Variants in PLCL2 observed in about 807,000 individuals in gnomAD.
PLCL2 encodes phospholipase C like 2.
In PLCL2, 4 loss-of-function variants were observed where a neutral mutation model predicts 79.6. That is an observed-to-expected ratio of 0.05 (90% CI 0.02 to 0.11). The LOEUF (loss-of-function observed/expected upper bound fraction) is 0.11, where lower values mean the gene tolerates loss of function less well. PLCL2 is among the 10% of genes least tolerant of loss of function. The probability of loss-of-function intolerance (pLI) is 1.00; values close to 1 mark genes in which losing one functional copy is unlikely to be tolerated. For missense variants in PLCL2, 895 were observed against 1,291.0 expected, an observed-to-expected ratio of 0.69 and a Z score of 4.70; for synonymous variants, 484 against 457.7, an observed-to-expected ratio of 1.06 and a Z score of -0.73.
At chr3:17,044,228 C>T (rs915153681) in intron 4 of PLCL2, 2 of 152,500 alleles carry the variant, frequency 1.3e-5, no homozygotes, top group East Asian at 3.8e-4. Context: ...GAAGGTGCTT[C>T]TGGAGAGTGA....
At chr3:16,943,833 C>A (rs991931813) in intron 1 of PLCL2, among the ~76,000 whole-genome samples, 3 of 152,068 alleles carry the variant, frequency 2.0e-5, no homozygotes, top group Non-Finnish European at 4.4e-5. Context: ...AAATAATTTT[C>A]TAATTAAGGT....
chr3:17,088,384 A>G (rs902361917), intron 5 of PLCL2, among the ~76,000 whole-genome samples: 1 of 152,180 alleles, frequency 6.6e-6, no homozygotes, highest in Non-Finnish European at 1.5e-5. Context: ...CAAACTACAG[A>G]GGAATCATAA....
At chr3:16,934,156 G>A (rs1575537495) in intron 1 of PLCL2, among the ~76,000 whole-genome samples, 1 of 152,138 alleles carries the variant, frequency 6.6e-6, no homozygotes, top group Admixed American at 6.5e-5. Context: ...CTCTGAAAAG[G>A]TCATGCAATG....
chr3:16,986,826 A>G (rs904017881), intron 1 of PLCL2, among the ~76,000 whole-genome samples: 4 of 152,116 alleles, frequency 2.6e-5, no homozygotes, highest in Non-Finnish European at 5.9e-5. Context: ...GAAACGTAGG[A>G]TGGGGATCAA....
chr3:16,997,822 G>T (rs1559512749), intron 1 of PLCL2, among the ~76,000 whole-genome samples: 1 of 152,090 alleles, frequency 6.6e-6, no homozygotes, highest in Non-Finnish European at 1.5e-5. Context: ...ACAGGCATGA[G>T]CCACTGTGTC....
At chr3:16,946,950 A>ATTTTTTTTT (rs1368093455) in intron 1 of PLCL2, among the ~76,000 whole-genome samples, 18 of 76,956 alleles carry the variant, frequency 2.3e-4, no homozygotes, top group African/African-American at 5.7e-4. Flanking sequence ...TTAAAGTTTC[A>ATTTTTTTTT]TTCTTTTTTT....
chr3:16,988,875 C>T (rs1297378012), intron 1 of PLCL2, among the ~76,000 whole-genome samples: 1 of 152,064 alleles, frequency 6.6e-6, no homozygotes, highest in Admixed American at 6.5e-5. Flanking sequence ...AATTCCATTT[C>T]AAGTTATATT....
chr3:16,952,819 C>G (rs1046697001), intron 1 of PLCL2, among the ~76,000 whole-genome samples: 1 of 151,832 alleles, frequency 6.6e-6, no homozygotes, highest in Non-Finnish European at 1.5e-5. Flanking sequence ...GCATCTTTTG[C>G]GAAATAATTT....
chr3:16,973,019 G>A (rs532411690), intron 1 of PLCL2, among the ~76,000 whole-genome samples: 3 of 152,178 alleles, frequency 2.0e-5, no homozygotes, highest in Admixed American at 1.3e-4. Flanking sequence ...ATTTGATCCT[G>A]TCATCATGTT....
At chr3:17,013,166 C>T (rs141696074) in intron 2 of PLCL2, among the ~76,000 whole-genome samples, 6 of 151,972 alleles carry the variant, frequency 3.9e-5, no homozygotes, top group Admixed American at 1.3e-4. Flanking sequence ...ACCCTCAGCT[C>T]TGAGCAAGCG....
chr3:16,903,029 C>T (rs1329741259), intron 1 of PLCL2, among the ~76,000 whole-genome samples: 1 of 152,048 alleles, frequency 6.6e-6, no homozygotes, highest in Non-Finnish European at 1.5e-5. Context: ...TAATTGGGAT[C>T]TGGCTCAGAA....
intron 1 of PLCL2, among the ~76,000 whole-genome samples, chr3:16,896,261 G>A (rs1166377854): frequency 2.6e-5 from 4 of 152,126 alleles, no homozygotes; most frequent in Admixed American, 6.5e-5. Context: ...CTTGTACGTG[G>A]TGAGACCTGC....
chr3:17,014,585 A>G, intron 2 of PLCL2, 123 bp from the exon 3 acceptor site: 1 of 767,104 alleles, frequency 1.3e-6, no homozygotes, highest in Non-Finnish European at 2.2e-6. Flanking sequence ...CAATTCTGTT[A>G]TAACACTGTT....
intron 1 of PLCL2, among the ~76,000 whole-genome samples, chr3:16,888,420 C>G (rs1455939641): frequency 6.6e-6 from 1 of 152,144 alleles, no homozygotes; most frequent in Non-Finnish European, 1.5e-5. Context: ...TTACAAATAC[C>G]TTGAGATGAT....
chr3:16,909,328 A>C (rs868224863), intron 1 of PLCL2, among the ~76,000 whole-genome samples: 2 of 152,228 alleles, frequency 1.3e-5, no homozygotes, highest in Non-Finnish European at 2.9e-5. Context: ...TTTGTTGAGC[A>C]GATTGCATAT....
chr3:17,065,121 A>G (rs1196074752), intron 4 of PLCL2, among the ~76,000 whole-genome samples: 2 of 152,166 alleles, frequency 1.3e-5, no homozygotes, highest in African/African-American at 4.8e-5. Flanking sequence ...AGCTTCACTA[A>G]TAAAACATTT....
In PLCL2 at chr3:17,089,747, T is replaced by C; in HGVS notation, c.3219T>C (p.Leu1073=). Residue 1073 remains leucine, a synonymous_variant, in exon 6 of 6, where the codon CTT becomes CTC. Transcript: ENST00000615277. ...NITILKGQAD[L]LKYAKNETLE... ...TTTTGTTATAGGGACAAGCAGATCT[T>C]TTGAAATATGCTAAGAATGAGACAT... is the stretch of plus-strand genomic sequence containing the variant. 6.2e-7 allele frequency: 1 copy of C among 1,605,484 alleles called. No homozygotes were observed. Among genetic ancestry groups the C allele is most frequent in the Non-Finnish European group, 8.5e-7 (1 of 1,173,090 alleles).
chr3:16,939,164 T>A (rs1305896705), intron 1 of PLCL2, among the ~76,000 whole-genome samples: 1 of 152,206 alleles, frequency 6.6e-6, no homozygotes, highest in East Asian at 1.9e-4. Flanking sequence ...AATCACACAC[T>A]CTTTCTTGTC....
chr3:16,968,539 A>C (rs547524471), intron 1 of PLCL2, among the ~76,000 whole-genome samples: 1 of 152,148 alleles, frequency 6.6e-6, no homozygotes, highest in East Asian at 1.9e-4. Context: ...GCTATTGTGA[A>C]TAGGATTGTA....
Sources: allele counts gnomAD v4.1 joint callset (sites outside exome capture counted in the v4.1 genomes callset), GRCh38; gene constraint gnomAD v4.1.1; transcripts MANE v1.5; gene names NCBI Gene and HGNC (gene_info 2026-07-23, HGNC 2026-07-21).